TTLL11: variants seen among roughly 807,000 people sequenced by gnomAD.
TTLL11 encodes the protein tubulin tyrosine ligase like 11.
Under a neutral mutation model 51.7 loss-of-function variants are expected in TTLL11, and 42 were observed. The observed-to-expected ratio is 0.81, with a 90% CI of 0.64 to 1.05. The LOEUF (loss-of-function observed/expected upper bound fraction) is 1.05. Among genes scored for constraint, TTLL11 ranks in the 50% least tolerant of loss-of-function variants. TTLL11 has a pLI of 0.00. For synonymous variants in TTLL11, 381 were observed against 383.5 expected (o/e 0.99, Z 0.08); for missense variants, 799 against 940.4 (o/e 0.85, Z 1.97).
chr9:121,905,425 C>G (rs573902908), intron 6 of TTLL11, among the ~76,000 whole-genome samples: 1 of 151,662 alleles, frequency 6.6e-6, no homozygotes, highest in East Asian at 1.9e-4. Context: ...GAACTCGGCT[C>G]ACTGCAACCT....
chr9:121,925,345 G>A (rs930573901), intron 6 of TTLL11, among the ~76,000 whole-genome samples: 3 of 152,228 alleles, frequency 2.0e-5, no homozygotes, highest in Admixed American at 1.3e-4. Context: ...CAGGCTCCCA[G>A]GCTAGGTGGG....
intron 8 of TTLL11, among the ~76,000 whole-genome samples, chr9:121,834,332 A>T (rs964004709): frequency 1.3e-5 from 2 of 152,198 alleles, no homozygotes; most frequent in Non-Finnish European, 2.9e-5. Flanking sequence ...CCCAGGGAGA[A>T]GGCATTCAGC....
At chr9:122,058,631 C>T (rs1461414853) in intron 1 of TTLL11, among the ~76,000 whole-genome samples, 2 of 152,134 alleles carry the variant, frequency 1.3e-5, no homozygotes, top group Non-Finnish European at 2.9e-5. Context: ...AGGGGACTAG[C>T]GCGTATGGCC....
At chr9:122,069,271 C>G (rs1343559055) in intron 1 of TTLL11, among the ~76,000 whole-genome samples, 2 of 152,132 alleles carry the variant, frequency 1.3e-5, no homozygotes, top group African/African-American at 4.8e-5. Flanking sequence ...GGAGACTCCC[C>G]GAGTACTTAA....
rs77897040 is a variant in TTLL11, at chr9:122,070,491, G to A, written c.462+22196C>T. 4.9e-3 allele frequency among the ~76,000 whole-genome samples: 735 copies of A among 151,050 alleles called. 5 individuals carry two copies. Among genetic ancestry groups the A allele is most frequent in the African/African-American group, 0.017 (703 of 41,236 alleles). ...CCCACCTGAGGTACCTTGTCCCCTC[G>A]GCCCCTGCAGACAAAGTTGTCATCC... On this transcript the variant is annotated intron_variant, in intron 1 of 8. Transcript: ENST00000321582.
At chr9:122,058,580 A>T (rs1845356415) in intron 1 of TTLL11, among the ~76,000 whole-genome samples, 1 of 152,180 alleles carries the variant, frequency 6.6e-6, no homozygotes, top group African/African-American at 2.4e-5. Flanking sequence ...TTAGAATTTC[A>T]AAAGGTATCA....
In TTLL11 at chr9:121,822,687, G is replaced by A; in HGVS notation, c.2033C>T (p.Pro678Leu). The change falls in exon 9 of 9, where the codon CCC becomes CTC. Residue 678 changes from proline to leucine, a missense_variant. Around this residue, in one of 3 missense-constraint regions of TTLL11, gnomAD observed 165 missense variants for 166.1 expected, o/e 0.99. Coordinates refer to ENST00000321582, the MANE Select transcript of TTLL11 (RefSeq NM_001139442.2). This position sits in a 1 kb window ranked among gnomAD's most constrained non-coding sequence, Gnocchi z 5.8. Reference protein sequence around the residue: ...SGGRPPHRGPPQEPSPSAQPA... With the variant: ...SGGRPPHRGPLQEPSPSAQPA... Reference sequence around the variant, plus strand: ...CTGGGCCGAGGGGGAGGGCTCCTGGGGAGGGCCACGGTGTGGGGGCCGGCC... The same window carrying A: ...CTGGGCCGAGGGGGAGGGCTCCTGGAGAGGGCCACGGTGTGGGGGCCGGCC... 1.3e-6 allele frequency: 2 copies of A among 1,548,266 alleles called. No homozygotes were observed. The highest frequency in any genetic ancestry group is 1.7e-6 in the Non-Finnish European group (2 of 1,146,214).
At position 121,989,469 on chromosome 9, in the gene TTLL11, G is replaced by A; in HGVS notation, c.995C>T (p.Pro332Leu). The A allele has an allele frequency of 1.2e-6, 2 of 1,614,164 alleles. No homozygotes were observed. The highest frequency in any genetic ancestry group is 1.1e-5 in the South Asian group (1 of 91,084). Residue 332 changes from proline to leucine, a missense_variant, in exon 4 of 9, where the codon CCC (proline) becomes CTC (leucine). Physicochemically the swap from Pro to Leu is moderately conservative, Grantham distance 98. Transcript: ENST00000321582. This position sits in a 1 kb window ranked among gnomAD's most constrained non-coding sequence, Gnocchi z 4.2. Reference sequence around the variant, plus strand: ...CATAAAGATGCGGTGCAGGTTTTTGGGGGTGGGCTCCTGATATGGCTCGGT... The same window carrying A: ...CATAAAGATGCGGTGCAGGTTTTTGAGGGTGGGCTCCTGATATGGCTCGGT... The part of the protein sequence containing the change: ...FCTEPYQEPT[P>L]KNLHRIFMHL...
chr9:122,054,215 G>A (rs769530998), intron 1 of TTLL11, among the ~76,000 whole-genome samples: 10 of 151,838 alleles, frequency 6.6e-5, no homozygotes, highest in Admixed American at 1.3e-4. Flanking sequence ...CCCATCGTCC[G>A]CCTTGCTTCC....
chr9:122,036,509 T>C (rs1227341781), intron 2 of TTLL11, among the ~76,000 whole-genome samples: 1 of 151,850 alleles, frequency 6.6e-6, no homozygotes, highest in African/African-American at 2.4e-5. Context: ...CTAAATCAGA[T>C]TATTTTCATA....
intron 1 of TTLL11, among the ~76,000 whole-genome samples, chr9:122,080,077 T>G (rs1338287067): frequency 1.3e-5 from 2 of 152,252 alleles, no homozygotes; most frequent in Non-Finnish European, 2.9e-5. Flanking sequence ...TATGGCTGTT[T>G]CAAATTAGGC....
At position 122,047,357 on chromosome 9, in the gene TTLL11, A is replaced by G. The variant is rs560157627; in HGVS notation, c.463-7989T>C. 2.6e-5 allele frequency among the ~76,000 whole-genome samples: 4 copies of G among 152,318 alleles called. No individual in the cohort carries two copies. In the South Asian group the frequency reaches 8.3e-4, roughly 32 times the overall value. ...AGAAGGGTGTTCAGACAGAAAATAA[A>G]TGTGTAAAAGCACAGAGGTAGGACT... On this transcript the variant is annotated intron_variant, in intron 1 of 8. Coordinates refer to ENST00000321582, the MANE Select transcript of TTLL11 (RefSeq NM_001139442.2).
At chr9:122,063,625 A>G (rs1024697384) in intron 1 of TTLL11, among the ~76,000 whole-genome samples, 1 of 152,254 alleles carries the variant, frequency 6.6e-6, no homozygotes, top group Non-Finnish European at 1.5e-5. Context: ...AGAATTTCTT[A>G]AAGGCAATTT....
At chr9:122,059,439 G>A (rs889004837) in intron 1 of TTLL11, among the ~76,000 whole-genome samples, 2 of 152,080 alleles carry the variant, frequency 1.3e-5, no homozygotes, top group Admixed American at 6.5e-5. Flanking sequence ...GCACAGGGAC[G>A]TCAAGTAACG....
intron 8 of TTLL11, among the ~76,000 whole-genome samples, chr9:121,833,313 T>G (rs754655147): frequency 6.6e-6 from 1 of 152,166 alleles, no homozygotes; most frequent in Non-Finnish European, 1.5e-5. Flanking sequence ...AACGATGGCC[T>G]CATTCTGTCA....
chr9:121,989,274 AC>A lies in TTLL11; in HGVS notation c.1189del (p.Val397SerfsTer4), dbSNP rs1238035226. On this transcript the variant is annotated frameshift_variant, in exon 4 of 9. Transcript: ENST00000321582. LOFTEE classifies it high-confidence loss of function. The surrounding 1 kb of genome is among the most constrained non-coding windows in gnomAD (Gnocchi z 4.2). The part of the protein sequence containing the change: ...SDIISVVIKT[V>X]IALTPELKVF... ...TTTGAGCTCTGGAGTCAGCGCGATG[AC>A]CGTCTTAATCACCACGGAGATGATG... 9.3e-6 allele frequency: 15 copies of A among 1,614,160 alleles called. No individual in the cohort carries two copies. Among genetic ancestry groups the A allele is most frequent in the Non-Finnish European group, 1.3e-5 (15 of 1,180,010 alleles).
chr9:122,047,186 TC>T (rs372913637), intron 1 of TTLL11, among the ~76,000 whole-genome samples: 7 of 152,316 alleles, frequency 4.6e-5, no homozygotes, highest in African/African-American at 1.7e-4. Context: ...ATGCCTGTTG[TC>T]CTGGTGTCAT....
intron 6 of TTLL11, among the ~76,000 whole-genome samples, chr9:121,943,572 G>T (rs1273936762): frequency 1.3e-5 from 2 of 152,164 alleles, no homozygotes; most frequent in Non-Finnish European, 2.9e-5. Context: ...AGATCTTCAT[G>T]GTTGCTCAAG....
chr9:122,063,662 C>A (rs577104935), intron 1 of TTLL11, among the ~76,000 whole-genome samples: 1 of 152,060 alleles, frequency 6.6e-6, no homozygotes, highest in Non-Finnish European at 1.5e-5. Context: ...CTGTTTTGTT[C>A]TTAAAACAAC....
Sources: gnomAD v4.1 joint callset for allele counts (sites outside exome capture counted in the v4.1 genomes callset) on GRCh38, gnomAD v4.1.1 for gene constraint, gnomAD v4.1.1 regional missense constraint, Gnocchi (gnomAD v3.1) non-coding constraint, MANE v1.5 for transcripts, NCBI Gene and HGNC (gene_info 2026-07-23, HGNC 2026-07-21) for gene names.